ARB2A: variants seen among roughly 807,000 people sequenced by gnomAD.
ARB2A encodes cotranscriptional regulator ARB2A.
At chr5:93,911,458 A>G in the ARB2A span, among the ~76,000 whole-genome samples, 1 of 151,738 alleles carries the variant, frequency 6.6e-6, no homozygotes, top group African/African-American at 2.4e-5. Flanking sequence ...AAAGCTTGAA[A>G]GAAGGCTTCT....
chr5:93,923,612 C>G, the ARB2A span, among the ~76,000 whole-genome samples: 1 of 152,060 alleles, frequency 6.6e-6, no homozygotes, highest in Non-Finnish European at 1.5e-5. Flanking sequence ...GAGCTCAAGA[C>G]CAACCTGGAC....
the ARB2A span, among the ~76,000 whole-genome samples, chr5:94,074,085 A>G: frequency 6.6e-6 from 1 of 152,096 alleles, no homozygotes; most frequent in South Asian, 2.1e-4. Context: ...CCTGACCCTA[A>G]AGGTCTCAGT....
chr5:93,824,285 G>A, the ARB2A span: 14 of 1,536,928 alleles, frequency 9.1e-6, no homozygotes, highest in Non-Finnish European at 1.1e-5. Context: ...GGAAACAAAT[G>A]TCATATATTA....
At chr5:93,890,850 T>C in the ARB2A span, among the ~76,000 whole-genome samples, 10 of 152,218 alleles carry the variant, frequency 6.6e-5, no homozygotes, top group South Asian at 1.7e-3. Flanking sequence ...TCTTCATTAG[T>C]GAGAAAATGG....
the ARB2A span, chr5:93,804,717 A>AT: frequency 5.1e-5 from 13 of 254,938 alleles, no homozygotes; most frequent in Non-Finnish European, 7.4e-5. Flanking sequence ...CAGCTAGTAG[A>AT]TTTTTTTTAT....
At chr5:93,858,468 C>G in the ARB2A span, among the ~76,000 whole-genome samples, 1 of 152,180 alleles carries the variant, frequency 6.6e-6, no homozygotes, top group Non-Finnish European at 1.5e-5. Context: ...CAGGCCTGCT[C>G]ACCTCACTTC....
At chr5:93,632,315 A>C in the ARB2A span, among the ~76,000 whole-genome samples, 1 of 152,226 alleles carries the variant, frequency 6.6e-6, no homozygotes, top group Non-Finnish European at 1.5e-5. Context: ...ACAAGGAGCC[A>C]GGTGAAAGTC....
the ARB2A span, among the ~76,000 whole-genome samples, chr5:94,111,157 GA>G: frequency 1.6e-4 from 24 of 151,460 alleles, no homozygotes; most frequent in African/African-American, 5.6e-4. Flanking sequence ...ACTTTTTGTA[GA>G]AAAAAAAATT....
the ARB2A span, chr5:93,737,969 C>G: frequency 1.2e-5 from 5 of 433,620 alleles, no homozygotes; most frequent in Non-Finnish European, 1.4e-5. Context: ...AATGGATAAG[C>G]TGGACTTAAT....
the ARB2A span, among the ~76,000 whole-genome samples, chr5:93,950,955 A>T: frequency 1.2e-4 from 18 of 146,262 alleles, no homozygotes; most frequent in Middle Eastern, 3.5e-3. Context: ...AAAAAAAAAA[A>T]AAATAAAATA....
the ARB2A span, among the ~76,000 whole-genome samples, chr5:93,633,914 T>C: frequency 6.6e-6 from 1 of 151,970 alleles, no homozygotes; most frequent in Non-Finnish European, 1.5e-5. Flanking sequence ...CAAGAAATCA[T>C]CTTACCTCAG....
At chr5:93,845,965 T>C in the ARB2A span, among the ~76,000 whole-genome samples, 1 of 151,302 alleles carries the variant, frequency 6.6e-6, no homozygotes, top group Admixed American at 6.6e-5. Flanking sequence ...TCATTTACAA[T>C]TGCCAGAGAA....
chr5:93,658,941 G>T, the ARB2A span, among the ~76,000 whole-genome samples: 2 of 121,682 alleles, frequency 1.6e-5, no homozygotes, highest in Non-Finnish European at 3.3e-5. Flanking sequence ...CAGGGATAGG[G>T]TATGGTTAGT....
the ARB2A span, among the ~76,000 whole-genome samples, chr5:94,018,480 T>C: frequency 6.7e-6 from 1 of 148,962 alleles, no homozygotes; most frequent in Non-Finnish European, 1.5e-5. Flanking sequence ...TATACTGTGT[T>C]ATTATACTAC....
At chr5:93,634,198 C>T in the ARB2A span, among the ~76,000 whole-genome samples, 4 of 151,802 alleles carry the variant, frequency 2.6e-5, no homozygotes, top group South Asian at 2.1e-4. Context: ...GTCAAGAGAT[C>T]GAGACCATCC....
chr5:93,741,252 G>C, the ARB2A span: 1 of 1,613,918 alleles, frequency 6.2e-7, no homozygotes, highest in Admixed American at 1.7e-5. Context: ...GCAGGGCAAT[G>C]TAGGGCCCCG....
the ARB2A span, among the ~76,000 whole-genome samples, chr5:93,784,021 G>A: frequency 6.6e-5 from 10 of 152,064 alleles, no homozygotes; most frequent in African/African-American, 1.4e-4. Flanking sequence ...TACCTTATGC[G>A]TCTTTCTTGT....
At chr5:93,716,625 A>G in the ARB2A span, among the ~76,000 whole-genome samples, 1 of 151,260 alleles carries the variant, frequency 6.6e-6, no homozygotes, top group Non-Finnish European at 1.5e-5. Flanking sequence ...AGCAGTACTT[A>G]ACAAATTCAC....
At chr5:93,796,812 CTGAAA>C in the ARB2A span, among the ~76,000 whole-genome samples, 1 of 152,116 alleles carries the variant, frequency 6.6e-6, no homozygotes, top group Non-Finnish European at 1.5e-5. Flanking sequence ...TCTCACATTT[CTGAAA>C]TAATGAAAGT....
Sources: gnomAD v4.1 joint callset for allele counts (sites outside exome capture counted in the v4.1 genomes callset) on GRCh38, gnomAD v4.1.1 for gene constraint, MANE v1.5 for transcripts, NCBI Gene and HGNC (gene_info 2026-07-23, HGNC 2026-07-21) for gene names.